Variants in CDH4 observed in about 807,000 individuals in gnomAD.
CDH4 encodes cadherin-4.
CDH4 carries 33 observed loss-of-function variants against 86.0 expected under a neutral mutation model. The observed-to-expected ratio is 0.38, with a 90% CI of 0.29 to 0.51. The LOEUF (loss-of-function observed/expected upper bound fraction) is 0.51, where lower values mean the gene tolerates loss of function less well. Among genes scored for constraint, CDH4 ranks in the 20% least tolerant of loss-of-function variants. The pLI is 0.86. For synonymous variants in CDH4, 555 were observed against 549.4 expected, an observed-to-expected ratio of 1.01 and a Z score of -0.14; for missense variants, 1,114 against 1,307.4, an observed-to-expected ratio of 0.85 and a Z score of 2.28.
At chr20:61,821,894 G>C (rs544215719) in intron 4 of CDH4, among the ~76,000 whole-genome samples, 1 of 152,272 alleles carries the variant, frequency 6.6e-6, no homozygotes, top group Non-Finnish European at 1.5e-5. Flanking sequence ...TGGTTCTCCA[G>C]CCAGGTGGGC....
At chr20:61,761,517 T>C (rs1157416267) in intron 3 of CDH4, among the ~76,000 whole-genome samples, 3 of 152,078 alleles carry the variant, frequency 2.0e-5, no homozygotes, top group Non-Finnish European at 4.4e-5. Flanking sequence ...AGCCACATAT[T>C]TACCCAAACA....
At chr20:61,438,680 T>C (rs530194074) in intron 2 of CDH4, among the ~76,000 whole-genome samples, 24 of 152,298 alleles carry the variant, frequency 1.6e-4, no homozygotes, top group Middle Eastern at 3.4e-3. Flanking sequence ...ACATTTCATA[T>C]GAAAAGGCAT....
intron 2 of CDH4, among the ~76,000 whole-genome samples, chr20:61,587,566 A>G (rs1488689598): frequency 6.6e-6 from 1 of 151,984 alleles, no homozygotes; most frequent in Non-Finnish European, 1.5e-5. Context: ...CGGGGAGGTT[A>G]GGGCCCAGGG....
chr20:61,692,030 G>A (rs892078913), intron 2 of CDH4, among the ~76,000 whole-genome samples: 1 of 152,150 alleles, frequency 6.6e-6, no homozygotes, highest in Admixed American at 6.6e-5. Flanking sequence ...TTGTCTTAGA[G>A]CAAGGAAATT....
intron 6 of CDH4, among the ~76,000 whole-genome samples, chr20:61,864,532 G>C (rs368615336): frequency 2.0e-5 from 3 of 152,192 alleles, no homozygotes; most frequent in Non-Finnish European, 4.4e-5. Context: ...CAGAGACCAC[G>C]TCTGCTGATC....
chr20:61,540,948 C>G (rs1017385772), intron 2 of CDH4, among the ~76,000 whole-genome samples: 1 of 152,192 alleles, frequency 6.6e-6, no homozygotes, highest in Non-Finnish European at 1.5e-5. Context: ...TGTTCAAGCC[C>G]GTGCCATCCT....
At chr20:61,568,605 G>A (rs182644654) in intron 2 of CDH4, among the ~76,000 whole-genome samples, 3 of 152,320 alleles carry the variant, frequency 2.0e-5, no homozygotes, top group South Asian at 4.1e-4. Flanking sequence ...CATTCTTCCT[G>A]GTCTTCCCGC....
At chr20:61,890,417 A>G (rs1489115407) in intron 7 of CDH4, among the ~76,000 whole-genome samples, 1 of 148,562 alleles carries the variant, frequency 6.7e-6, no homozygotes, top group Non-Finnish European at 1.5e-5. Flanking sequence ...TGGATGGATG[A>G]TGGATGGATA....
At chr20:61,430,897 C>A (rs2085242636) in intron 2 of CDH4, among the ~76,000 whole-genome samples, 1 of 152,240 alleles carries the variant, frequency 6.6e-6, no homozygotes, top group Non-Finnish European at 1.5e-5. Flanking sequence ...TCCATTGGTG[C>A]CTGCAGCCCC....
intron 2 of CDH4, among the ~76,000 whole-genome samples, chr20:61,260,090 C>T (rs998536834): frequency 2.0e-5 from 3 of 152,212 alleles, no homozygotes; most frequent in South Asian, 2.1e-4. Context: ...TTTGTTGTCA[C>T]ATGCAGCCTC....
rs907348508 is a variant in CDH4, at chr20:61,660,853, C to T, written c.170-82710C>T. 3.3e-5 allele frequency among the ~76,000 whole-genome samples: 5 copies of T among 152,192 alleles called. 1 individual carries two copies. Among genetic ancestry groups the T allele is most frequent in the Non-Finnish European group, 7.3e-5 (5 of 68,042 alleles). ...CAGCAGGGGTGGAGGAGCCTCTTTG[C>T]CCGGTTTCCACAGTCCTGGCAGCTC... On this transcript the variant is annotated intron_variant, in intron 2 of 15. Coordinates refer to ENST00000614565, the MANE Select transcript of CDH4 (RefSeq NM_001794.5).
intron 4 of CDH4, among the ~76,000 whole-genome samples, chr20:61,792,969 G>T (rs1411180557): frequency 6.6e-6 from 1 of 150,852 alleles, no homozygotes; most frequent in Non-Finnish European, 1.5e-5. Context: ...TTTTGTTTTT[G>T]TTTTTGTTTT....
chr20:61,719,622 G>C, intron 2 of CDH4: 1 of 163,262 alleles, frequency 6.1e-6, no homozygotes, highest in Non-Finnish European at 1.3e-5. Context: ...TGTTTAGGCT[G>C]TGCTCACCTG....
intron 2 of CDH4, among the ~76,000 whole-genome samples, chr20:61,677,443 T>C (rs557873054): frequency 1.1e-3 from 160 of 152,352 alleles, no homozygotes; most frequent in African/African-American, 3.7e-3. Context: ...AGTTCACTTT[T>C]ACTTTTTGTT....
intron 2 of CDH4, among the ~76,000 whole-genome samples, chr20:61,575,785 A>T (rs1300742149): frequency 6.6e-6 from 1 of 152,170 alleles, no homozygotes; most frequent in Non-Finnish European, 1.5e-5. Flanking sequence ...ATGTTTGCCA[A>T]CTCCTGCTGA....
chr20:61,548,868 AG>A (rs2086107593), intron 2 of CDH4, among the ~76,000 whole-genome samples: 1 of 152,228 alleles, frequency 6.6e-6, no homozygotes. Flanking sequence ...ATCAAAAACT[AG>A]TGAGAAAAGA....
intron 5 of CDH4, among the ~76,000 whole-genome samples, chr20:61,845,216 G>A (rs1327253454): frequency 6.6e-6 from 1 of 152,254 alleles, no homozygotes; most frequent in Non-Finnish European, 1.5e-5. Context: ...TGCTGCTCTT[G>A]GCCCCTTTCT....
intron 8 of CDH4, among the ~76,000 whole-genome samples, chr20:61,900,045 C>T (rs903300284): frequency 1.3e-5 from 2 of 152,134 alleles, no homozygotes; most frequent in African/African-American, 4.8e-5. Flanking sequence ...CGGAAGTGAC[C>T]CTCCTGGCCA....
intron 2 of CDH4, among the ~76,000 whole-genome samples, chr20:61,541,795 C>A (rs1245486962): frequency 6.6e-6 from 1 of 152,170 alleles, no homozygotes; most frequent in Admixed American, 6.5e-5. Flanking sequence ...CAGCAACTCT[C>A]CAGCCAGTGA....
Sources: gnomAD v4.1 joint callset for allele counts (sites outside exome capture counted in the v4.1 genomes callset) on GRCh38, gnomAD v4.1.1 for gene constraint, MANE v1.5 for transcripts, NCBI Gene and HGNC (gene_info 2026-07-23, HGNC 2026-07-21) for gene names.